The following CACNA2D3 variants were observed in gnomAD, a reference collection of about 807,000 sequenced individuals.
CACNA2D3 encodes the protein calcium voltage-gated channel auxiliary subunit alpha2delta 3, also known as voltage-dependent calcium channel subunit alpha-2/delta-3.
A neutral mutation model predicts 160.6 loss-of-function variants in CACNA2D3; 60 were observed. That is an observed-to-expected ratio of 0.37 (90% CI 0.30 to 0.46). The LOEUF (loss-of-function observed/expected upper bound fraction) is 0.46, where lower values mean the gene tolerates loss of function less well. Among genes scored for constraint, CACNA2D3 ranks in the 20% least tolerant of loss-of-function variants. The pLI is 1.00. For synonymous variants in CACNA2D3, 558 were observed against 492.9 expected (o/e 1.13, Z -1.75); for missense variants, 1,205 against 1,365.0 (o/e 0.88, Z 1.85).
chr3:54,934,316 CA>C (rs1256372742), intron 27 of CACNA2D3, among the ~76,000 whole-genome samples: 1 of 152,178 alleles, frequency 6.6e-6, no homozygotes, highest in African/African-American at 2.4e-5. Context: ...GAGGTGAGAA[CA>C]TAGTTCCCTC....
At chr3:54,717,524 G>T (rs1701072608) in intron 11 of CACNA2D3, among the ~76,000 whole-genome samples, 1 of 150,694 alleles carries the variant, frequency 6.6e-6, no homozygotes, top group Admixed American at 6.7e-5. Context: ...GTGTGTGTGT[G>T]TGGTGTGTGT....
intron 2 of CACNA2D3, among the ~76,000 whole-genome samples, chr3:54,302,814 G>T (rs1263999692): frequency 6.6e-6 from 1 of 151,812 alleles, no homozygotes; most frequent in Non-Finnish European, 1.5e-5. Flanking sequence ...GGAGGCATCT[G>T]CTTGGGGCTT....
chr3:54,138,378 G>A (rs1159053899), intron 2 of CACNA2D3, among the ~76,000 whole-genome samples: 1 of 152,236 alleles, frequency 6.6e-6, no homozygotes, highest in Admixed American at 6.5e-5. Flanking sequence ...GAAGAGGGCA[G>A]TCTGTGAAGC....
At chr3:54,192,672 G>GTA (rs1491450017) in intron 2 of CACNA2D3, among the ~76,000 whole-genome samples, 1 of 24,608 alleles carries the variant, frequency 4.1e-5, no homozygotes, top group Admixed American at 3.1e-4. Context: ...CATATGTGAG[G>GTA]TGTGTGTGTG....
chr3:55,068,471 C>G (rs537898057), intron 35 of CACNA2D3, among the ~76,000 whole-genome samples: 2 of 152,320 alleles, frequency 1.3e-5, no homozygotes, highest in South Asian at 4.1e-4. Context: ...TCTAGTCTAA[C>G]ATGAGTCATG....
At chr3:54,771,614 C>T (rs1394572093) in intron 13 of CACNA2D3, among the ~76,000 whole-genome samples, 1 of 152,220 alleles carries the variant, frequency 6.6e-6, no homozygotes, top group African/African-American at 2.4e-5. Context: ...GGCTGTCACA[C>T]AATGCTGTTT....
At chr3:54,191,569 G>T (rs901395073) in intron 2 of CACNA2D3, among the ~76,000 whole-genome samples, 1 of 152,076 alleles carries the variant, frequency 6.6e-6, no homozygotes, top group Admixed American at 6.6e-5. Flanking sequence ...AAGTTGAACC[G>T]ACCGAGTACA....
intron 27 of CACNA2D3, among the ~76,000 whole-genome samples, chr3:54,966,581 G>T (rs933529345): frequency 6.6e-6 from 1 of 152,204 alleles, no homozygotes; most frequent in Non-Finnish European, 1.5e-5. Context: ...CACTTTGGGA[G>T]GTTGAGGCAG....
rs762067263 is a variant in CACNA2D3, at chr3:54,966,196, A to G, written c.2450-2254A>G. Among the ~76,000 whole-genome samples the G allele has an allele frequency of 4.6e-5, 7 of 152,146 alleles. No individual in the cohort carries two copies. In the South Asian group the frequency reaches 6.2e-4, roughly 14 times the overall value. ...AGCTCAAGAGATGACAGGTGGGCCC[A>G]GGACAGCTCTGGGCTGTTGGAGGGA... On this transcript the variant is annotated intron_variant, in intron 27 of 37. Coordinates refer to ENST00000474759, the MANE Select transcript of CACNA2D3 (RefSeq NM_018398.3).
chr3:54,293,479 C>T (rs1332146459), intron 2 of CACNA2D3, among the ~76,000 whole-genome samples: 3 of 152,008 alleles, frequency 2.0e-5, no homozygotes, highest in African/African-American at 7.2e-5. Flanking sequence ...TGAGTTACTT[C>T]TCTTAGAATA....
chr3:54,532,183 A>G (rs1007670220), intron 5 of CACNA2D3, among the ~76,000 whole-genome samples: 5 of 152,224 alleles, frequency 3.3e-5, no homozygotes, highest in Non-Finnish European at 7.3e-5. Flanking sequence ...GGAAGACATA[A>G]GAAACTCCAT....
At chr3:54,600,224 C>T (rs187452870) in intron 9 of CACNA2D3, among the ~76,000 whole-genome samples, 13 of 152,300 alleles carry the variant, frequency 8.5e-5, no homozygotes, top group African/African-American at 2.9e-4. Context: ...TGCAGCTTTA[C>T]TCCCACCTGC....
At chr3:54,811,334 C>T (rs188754897) in intron 13 of CACNA2D3, among the ~76,000 whole-genome samples, 45 of 152,190 alleles carry the variant, frequency 3.0e-4, no homozygotes, top group Non-Finnish European at 2.9e-5. Flanking sequence ...CAAGGACCAA[C>T]CTTGGCCGCA....
chr3:54,961,155 T>C (rs1164911116), intron 27 of CACNA2D3, among the ~76,000 whole-genome samples: 1 of 152,240 alleles, frequency 6.6e-6, no homozygotes, highest in African/African-American at 2.4e-5. Context: ...AATCCAAACA[T>C]GCCAGGCCTT....
chr3:54,996,572 G>A (rs1185960666), intron 31 of CACNA2D3, among the ~76,000 whole-genome samples: 1 of 152,180 alleles, frequency 6.6e-6, no homozygotes, highest in African/African-American at 2.4e-5. Context: ...TTCTTTCAGA[G>A]GACCCTCTCT....
intron 17 of CACNA2D3, among the ~76,000 whole-genome samples, chr3:54,856,079 A>G (rs1390674694): frequency 1.3e-5 from 2 of 152,212 alleles, no homozygotes; most frequent in Admixed American, 6.5e-5. Flanking sequence ...TGCAAGTAGC[A>G]TGAAGACACT....
intron 6 of CACNA2D3, among the ~76,000 whole-genome samples, chr3:54,567,975 C>CA (rs1277993822): frequency 2.0e-5 from 3 of 152,146 alleles, no homozygotes; most frequent in Non-Finnish European, 2.9e-5. Context: ...AACCACAGGG[C>CA]AAAAAGATAT....
At chr3:54,350,982 G>GTTTTTTTTTTTTTTTTTTTTTT (rs1491034355) in intron 3 of CACNA2D3, among the ~76,000 whole-genome samples, 1 of 61,800 alleles carries the variant, frequency 1.6e-5, no homozygotes, top group Non-Finnish European at 3.0e-5. Flanking sequence ...TTTTTTTTTT[G>GTTTTTTTTTTTTTTTTTTTTTT]TTTGTTTTTT....
intron 4 of CACNA2D3, among the ~76,000 whole-genome samples, chr3:54,483,722 A>G (rs1056316975): frequency 2.0e-5 from 3 of 152,222 alleles, no homozygotes; most frequent in Non-Finnish European, 4.4e-5. Flanking sequence ...AGTTGTTGCA[A>G]AACCCATAAG....
Sources: allele counts gnomAD v4.1 joint callset (sites outside exome capture counted in the v4.1 genomes callset), GRCh38; gene constraint gnomAD v4.1.1; transcripts MANE v1.5; gene names NCBI Gene and HGNC (gene_info 2026-07-23, HGNC 2026-07-21).